The following AOX1 variants were observed in gnomAD, a reference collection of about 807,000 sequenced individuals.
AOX1 encodes the protein aldehyde oxidase 1, also known as aldehyde oxidase.
In AOX1, 153 loss-of-function variants were observed where a neutral mutation model predicts 169.5. The ratio of observed to expected loss-of-function variants is 0.90; its 90% confidence interval spans 0.79 to 1.03. The LOEUF is 1.03. Ranked by LOEUF, AOX1 falls within the 50% of genes least tolerant of loss-of-function variation. AOX1 has a pLI of 0.00. For synonymous variants in AOX1, 562 were observed against 581.9 expected, an observed-to-expected ratio of 0.97 and a Z score of 0.49; for missense variants, 1,656 against 1,663.9, an observed-to-expected ratio of 1.00 and a Z score of 0.08.
chr2:200,643,074 T>G (rs1037016403), intron 25 of AOX1, among the ~76,000 whole-genome samples: 1 of 152,060 alleles, frequency 6.6e-6, no homozygotes, highest in South Asian at 2.1e-4. Flanking sequence ...TGGCTGGGGG[T>G]ATAACTGCTA....
Position 200,634,639 on chromosome 2 carries a change from A to C in AOX1, c.2222-152A>C, listed in dbSNP as rs1035689882. On this transcript the variant is annotated intron_variant, in intron 20 of 34. Transcript: ENST00000374700. ...AGAACTTTACTTCAAATCTGCAAGT[A>C]GACTGAAAGCTAAACATTGTTGTTT... The C allele has an allele frequency of 2.7e-5, 25 of 943,140 alleles. No individual in the cohort carries two copies. The Admixed American group carries it at 2.9e-4, about 11-fold the overall frequency. The allele number at this position is 943,140 out of a possible 1,614,324, so 58.4% of individuals were successfully genotyped here.
At chr2:200,599,796 AT>A in intron 5 of AOX1, 50 bp downstream of exon 5, 1 of 1,305,802 alleles carries the variant, frequency 7.7e-7, no homozygotes, top group Non-Finnish European at 9.9e-7. Flanking sequence ...TTATTTATTT[AT>A]TTTTTGAGAC....
intron 5 of AOX1, among the ~76,000 whole-genome samples, chr2:200,600,181 A>T (rs953080483): frequency 6.6e-6 from 1 of 152,214 alleles, no homozygotes; most frequent in East Asian, 1.9e-4. Flanking sequence ...CAACCCACAC[A>T]TTGCATTTGG....
chr2:200,676,163 C>A (rs994584364), downstream of AOX1, among the ~76,000 whole-genome samples: 1 of 151,572 alleles, frequency 6.6e-6, no homozygotes, highest in Non-Finnish European at 1.5e-5. Context: ...TTAAAATAAG[C>A]CTTCTATTTG....
At chr2:200,622,418 G>A (rs2034905888) in intron 18 of AOX1, among the ~76,000 whole-genome samples, 1 of 152,220 alleles carries the variant, frequency 6.6e-6, no homozygotes, top group South Asian at 2.1e-4. Flanking sequence ...AATTCGGACT[G>A]CTCAGTTCAG....
At chr2:200,637,437 A>G (rs1051012009) in intron 22 of AOX1, among the ~76,000 whole-genome samples, 2 of 152,130 alleles carry the variant, frequency 1.3e-5, no homozygotes, top group East Asian at 1.9e-4. Context: ...CCATGTACCT[A>G]TATATACATA....
chr2:200,642,941 C>T (rs1024027456), intron 25 of AOX1, 140 bp downstream of exon 25: 17 of 796,622 alleles, frequency 2.1e-5, no homozygotes, highest in Admixed American at 2.1e-4. Flanking sequence ...CTGGTTAATG[C>T]GGAGCCCAGA....
intron 4 of AOX1, among the ~76,000 whole-genome samples, chr2:200,599,114 C>A (rs1574909431): frequency 6.6e-6 from 1 of 152,006 alleles, no homozygotes; most frequent in East Asian, 1.9e-4. Flanking sequence ...GACTCCAAAG[C>A]AAAAATGCTA....
At chr2:200,645,110 C>T (rs1401751059) in intron 25 of AOX1, among the ~76,000 whole-genome samples, 5 of 152,048 alleles carry the variant, frequency 3.3e-5, no homozygotes, top group Admixed American at 6.6e-5. Flanking sequence ...AGTGGGCCTC[C>T]TTGTCTTGTT....
At chr2:200,616,626 C>T (rs1354764011) in intron 16 of AOX1, among the ~76,000 whole-genome samples, 1 of 152,158 alleles carries the variant, frequency 6.6e-6, no homozygotes, top group Non-Finnish European at 1.5e-5. Context: ...GCTTTTTGTG[C>T]TCTCGTAATG....
Position 200,603,314 on chromosome 2 carries a change from T to A in AOX1, c.546T>A (p.Asp182Glu), listed in dbSNP as rs1338790587. The change falls in exon 7 of 35, where the codon GAT becomes GAA. Residue 182 changes from aspartate to glutamate, a missense_variant. Transcript: ENST00000374700. ...QSKENGVCCLDQGINGLPEFE... is the reference protein window; with the variant it reads ...QSKENGVCCLEQGINGLPEFE... ...AAGAAAATGGGGTTTGCTGTTTGGA[T>A]CAAGGAATCAATGGATTGCCAGAAT... 2 of 1,613,904 alleles carry A rather than the reference T, an allele frequency of 1.2e-6. No individual in the cohort carries two copies. Among genetic ancestry groups the A allele is most frequent in the African/African-American group, 2.7e-5 (2 of 74,922 alleles).
rs751707771 is a variant in AOX1, at chr2:200,621,213, T to G, written c.1968T>G (p.Phe656Leu). The change falls in exon 18 of 35, where the codon TTT becomes TTG. Residue 656 changes from phenylalanine to leucine, a missense_variant. Coordinates refer to ENST00000374700, the MANE Select transcript of AOX1 (RefSeq NM_001159.4). ...HLSDVNSFCF[F>L]TEAEKFLATD... ...GTGACGTCAACTCCTTCTGCTTTTT[T>G]ACTGAAGCTGAGAAATTTCTGGCGA... 6.2e-7 allele frequency: 1 copy of G among 1,614,106 alleles called. No homozygotes were observed. Among genetic ancestry groups the G allele is most frequent in the Non-Finnish European group, 8.5e-7 (1 of 1,179,996 alleles).
chr2:200,623,644 C>T (rs566456235), intron 18 of AOX1, among the ~76,000 whole-genome samples: 2 of 152,366 alleles, frequency 1.3e-5, no homozygotes, highest in African/African-American at 2.4e-5. Context: ...ATCACTCCTG[C>T]TCCTCTGATA....
chr2:200,588,726 C>CTTTTTT lies in AOX1; in HGVS notation c.45+2589_45+2594dup, dbSNP rs71807461. ...CTTACATGGAAAGAACTAGAATAAG[C>CTTTTTT]TTTTTTTTTTTTTTTTTTTTTGAGA... On this transcript the variant is annotated intron_variant, in intron 1 of 34. Coordinates refer to ENST00000374700, the MANE Select transcript of AOX1 (RefSeq NM_001159.4). 4.8e-4 allele frequency among the ~76,000 whole-genome samples: 26 copies of CTTTTTT among 53,984 alleles called. 4 individuals are homozygous for CTTTTTT. Among genetic ancestry groups the CTTTTTT allele is most frequent in the East Asian group, 9.9e-4 (2 of 2,030 alleles). The allele number at this position is 53,984 out of a possible 152,430, so 35.4% of individuals were successfully genotyped here.
In AOX1 at chr2:200,608,995, G is replaced by T. The variant is rs759360483; in HGVS notation, c.919G>T (p.Gly307Cys). The change falls in exon 11 of 35, where the codon GGT (glycine) becomes TGT (cysteine). Residue 307 changes from glycine (G) to cysteine (C), a missense_variant. Gly to Cys is a radical substitution (Grantham distance 159). Transcript: ENST00000374700. ...TGACTTCATTTCAGGACTCACCCTTGGTGCTGGTCTCAGCCTAGCCCAGGT... is the reference window on the plus strand; with the variant it reads ...TGACTTCATTTCAGGACTCACCCTTTGTGCTGGTCTCAGCCTAGCCCAGGT... ...VNHAYNGLTL[G>C]AGLSLAQVKD... 1 of 1,613,590 alleles carries T rather than the reference G, an allele frequency of 6.2e-7. No homozygotes were observed. Among genetic ancestry groups the T allele is most frequent in the South Asian group, 1.1e-5 (1 of 90,952 alleles).
At chr2:200,668,518 A>G (rs1349944164) in intron 32 of AOX1, 97 bp from the exon 33 acceptor site, 5 of 1,141,872 alleles carry the variant, frequency 4.4e-6, no homozygotes, top group Admixed American at 2.4e-5. Context: ...TTAAACTGTA[A>G]TTTTAAAATT....
chr2:200,667,968 A>G (rs191761519), intron 32 of AOX1, among the ~76,000 whole-genome samples: 307 of 152,186 alleles, frequency 2.0e-3, no homozygotes, highest in African/African-American at 7.0e-3. Context: ...ATGGGCAAAA[A>G]ACAAAAGAAG....
At chr2:200,613,027 T>TGTGTGAGAGA (rs112472592) in intron 14 of AOX1, among the ~76,000 whole-genome samples, 118 of 146,208 alleles carry the variant, frequency 8.1e-4, no homozygotes, top group African/African-American at 2.9e-3. Flanking sequence ...TGTGTGTGTG[T>TGTGTGAGAGA]GAGAGAGAGA....
chr2:200,663,570 A>ACTCTCTCTCTCTCT (rs1231363640), intron 31 of AOX1, among the ~76,000 whole-genome samples: 73 of 123,722 alleles, frequency 5.9e-4, no homozygotes, highest in Admixed American at 1.2e-3. Context: ...ACACACACAC[A>ACTCTCTCTCTCTCT]CACTCTCTCT....
Sources: gnomAD v4.1 joint callset for allele counts (sites outside exome capture counted in the v4.1 genomes callset) on GRCh38, gnomAD v4.1.1 for gene constraint, MANE v1.5 for transcripts, NCBI Gene and HGNC (gene_info 2026-07-23, HGNC 2026-07-21) for gene names.